Variants in USP35 observed in about 807,000 individuals in gnomAD.
The protein encoded by USP35 is ubiquitin specific peptidase 35.
A neutral mutation model predicts 83.8 loss-of-function variants in USP35; 69 were observed. The ratio of observed to expected loss-of-function variants is 0.82; its 90% CI spans 0.68 to 1.01. The LOEUF (loss-of-function observed/expected upper bound fraction) is 1.01, where lower values mean the gene tolerates loss of function less well. Among genes scored for constraint, USP35 ranks in the 50% least tolerant of loss-of-function variants. USP35 has a pLI of 0.00. For synonymous variants in USP35, 714 were observed against 589.5 expected, an observed-to-expected ratio of 1.21 and a Z score of -3.06; for missense variants, 1,503 against 1,362.5, an observed-to-expected ratio of 1.10 and a Z score of -1.62.
the USP35 span, among the ~76,000 whole-genome samples, chr11:78,227,631 C>CAAAAAAAAAA: frequency 3.7e-3 from 395 of 105,928 alleles, 4 homozygotes; most frequent in Middle Eastern, 0.01. Context: ...CCATTGCCAC[C>CAAAAAAAAAA]AAAAAAAAAA....
chr11:78,211,500 C>T (rs959890224), intron 10 of USP35, among the ~76,000 whole-genome samples: 2 of 152,108 alleles, frequency 1.3e-5, no homozygotes, highest in Non-Finnish European at 2.9e-5. Context: ...AATGGTATTT[C>T]TGCCTCTAGG....
At chr11:78,220,324 G>C in the USP35 span, 1 of 1,612,418 alleles carries the variant, frequency 6.2e-7, no homozygotes, top group South Asian at 1.1e-5. Flanking sequence ...GGCACCTTGC[G>C]GTGGGGGCTT....
chr11:78,233,645 C>T, the USP35 span, among the ~76,000 whole-genome samples: 1 of 152,004 alleles, frequency 6.6e-6, no homozygotes, highest in African/African-American at 2.4e-5. Context: ...CTCACTCTGT[C>T]GCCCAAGCTA....
the USP35 span, among the ~76,000 whole-genome samples, chr11:78,233,864 G>A: frequency 3.6e-3 from 550 of 152,300 alleles, 2 homozygotes; most frequent in Non-Finnish European, 6.5e-3. Flanking sequence ...TCTGCCTGCT[G>A]CCTCCCAAAG....
chr11:78,203,325 G>C (rs2137041729), intron 6 of USP35, among the ~76,000 whole-genome samples: 1 of 152,282 alleles, frequency 6.6e-6, no homozygotes, highest in South Asian at 2.1e-4. Flanking sequence ...GGGAACATGT[G>C]AGGTTAGTTT....
At chr11:78,219,229 G>T (rs530915833), downstream of USP35, 8 of 1,594,656 alleles carry the variant, frequency 5.0e-6, no homozygotes, top group Non-Finnish European at 6.0e-6. Context: ...GGAAGGGCCA[G>T]CTCTGGAGAT....
In USP35 at chr11:78,213,782, A is replaced by G; in HGVS notation, c.3026A>G (p.Asn1009Ser). The change falls in exon 11 of 11, where the codon AAT becomes AGT. Residue 1009 changes from asparagine to serine, a missense_variant. Physicochemically the swap from Asn to Ser is conservative, Grantham distance 46. Transcript: ENST00000529308. ...GGGGGCTGCAATCCTGCAGGTGGCA[A>G]TGGTGGTGACTTCCACAGACTGGTC... ...SPGGCNPAGGNGGDFHRLVF is the reference protein window; with the variant it reads ...SPGGCNPAGGSGGDFHRLVF 2.6e-6 allele frequency: 4 copies of G among 1,550,696 alleles called. No individual in the cohort carries two copies. The highest frequency in any genetic ancestry group is 1.7e-4 in the Middle Eastern group (1 of 5,874).
chr11:78,233,167 G>A, the USP35 span, among the ~76,000 whole-genome samples: 1 of 151,716 alleles, frequency 6.6e-6, no homozygotes, highest in African/African-American at 2.4e-5. Flanking sequence ...AGTCTTCTGA[G>A]TAGCTGGGGC....
chr11:78,226,897 T>C, the USP35 span: 1 of 1,614,026 alleles, frequency 6.2e-7, no homozygotes, highest in African/African-American at 1.3e-5. Flanking sequence ...CTGAATTCTG[T>C]ATTGTGCCGG....
In USP35 at chr11:78,207,557, T is replaced by G; in HGVS notation, c.1419T>G (p.Thr473=). Residue 473 remains threonine, a synonymous_variant, in exon 8 of 11, where the codon ACT becomes ACG. Coordinates refer to ENST00000529308, the MANE Select transcript of USP35 (RefSeq NM_020798.4). ...SDFRHCVLRL[T]ENNSQPLMTK... is the part of the protein sequence containing the mutation. Reference sequence around the variant, plus strand: ...TCAGACATTGTGTGCTCCGCTTGACTGAGAACAACTCACAGCCCCTGATGA... The same window carrying G: ...TCAGACATTGTGTGCTCCGCTTGACGGAGAACAACTCACAGCCCCTGATGA... 6.2e-7 allele frequency: 1 copy of G among 1,614,182 alleles called. No homozygotes were observed. The highest frequency in any genetic ancestry group is 1.1e-5 in the South Asian group (1 of 91,088).
chr11:78,208,910 C>T lies in USP35; in HGVS notation c.1539C>T (p.Phe513=), dbSNP rs779861899. 1 of 1,614,242 alleles carries T rather than the reference C, an allele frequency of 6.2e-7. No individual in the cohort carries two copies. Among genetic ancestry groups the T allele is most frequent in the Non-Finnish European group, 8.5e-7 (1 of 1,180,048 alleles). The change falls in exon 9 of 11, where the codon TTC becomes TTT. Residue 513 remains phenylalanine (F), a synonymous_variant. Coordinates refer to ENST00000529308, the MANE Select transcript of USP35 (RefSeq NM_020798.4). ...NFLSASWTPW[F]SPGTQQDCSE... ...TCTCCGCATCCTGGACGCCCTGGTT[C>T]AGCCCTGGCACCCAGCAGGACTGCT... is the stretch of plus-strand genomic sequence containing the variant.
In USP35 at chr11:78,197,873, G is replaced by C. The variant is rs969057704; in HGVS notation, c.674-63G>C. The C allele has an allele frequency of 2.0e-5, 32 of 1,574,914 alleles. No homozygotes were observed. The African/African-American group carries it at 3.2e-4, about 16-fold the overall frequency. On this transcript the variant is annotated intron_variant, in intron 2 of 10. Coordinates refer to ENST00000529308, the MANE Select transcript of USP35 (RefSeq NM_020798.4). ...CGGTTCGTTGGCTCCTGCAGGGCAT[G>C]GTGTGCTGGGGGAAGGGAGGGGCCT...
chr11:78,231,447 C>T, the USP35 span, among the ~76,000 whole-genome samples: 1 of 152,032 alleles, frequency 6.6e-6, no homozygotes, highest in African/African-American at 2.4e-5. Context: ...CTCCTGGGTT[C>T]AAAGCGATTC....
chr11:78,223,689 A>G, the USP35 span: 1 of 1,573,876 alleles, frequency 6.4e-7, no homozygotes, highest in African/African-American at 1.4e-5. Context: ...AGGGAGAGGA[A>G]CAGTGAAAGA....
the USP35 span, among the ~76,000 whole-genome samples, chr11:78,233,061 A>G: frequency 2.3e-5 from 2 of 86,778 alleles, no homozygotes; most frequent in African/African-American, 1.3e-4. Context: ...TTTTTTGGTG[A>G]CAAGGTCTGG....
chr11:78,191,103 A>G (rs1384249231), intron 1 of USP35, among the ~76,000 whole-genome samples: 1 of 152,192 alleles, frequency 6.6e-6, no homozygotes, highest in Non-Finnish European at 1.5e-5. Context: ...AGGGATGATG[A>G]AGCTTGAGCG....
In USP35 at chr11:78,207,635, G is replaced by A. The variant is rs1863572327; in HGVS notation, c.1485+12G>A. The A allele has an allele frequency of 6.2e-7, 1 of 1,613,152 alleles. No individual in the cohort carries two copies. The highest frequency in any genetic ancestry group is 2.2e-5 in the East Asian group (1 of 44,886). On this transcript the variant is annotated intron_variant, in intron 8 of 10. Coordinates refer to ENST00000529308, the MANE Select transcript of USP35 (RefSeq NM_020798.4). The stretch of plus-strand genomic sequence containing the variant: ...TAGAACACAGCCAGGTGAGTGTAGG[G>A]GCAGTCAGAGGGGGGTGGAGAGGCA...
At chr11:78,203,752 G>T (rs2512539) in intron 6 of USP35, among the ~76,000 whole-genome samples, 22,642 of 150,654 alleles carry the variant, frequency 0.15, 2,170 homozygotes, top group East Asian at 0.4. Context: ...CTAATTTTTC[G>T]TATTTTTAGT....
At position 78,213,857 on chromosome 11, in the gene USP35, G is replaced by T. The variant is rs1298618561; in HGVS notation, c.*44G>T. 5 of 1,529,752 alleles carry T rather than the reference G, an allele frequency of 3.3e-6. No individual in the cohort carries two copies. Among genetic ancestry groups the T allele is most frequent in the Non-Finnish European group, 3.5e-6 (4 of 1,150,118 alleles). The allele number at this position is 1,529,752 out of a possible 1,614,324, so 94.8% of individuals were successfully genotyped here. A position where few individuals can be genotyped will look rare whatever the true frequency, so the allele number is the denominator to read the frequency against. On this transcript the variant is annotated 3_prime_UTR_variant, in exon 11 of 11. Coordinates refer to ENST00000529308, the MANE Select transcript of USP35 (RefSeq NM_020798.4). ...CTGACCCCTTCCCTCCAGGAGCCAG[G>T]TAGGGCCTGAGGGAAGCTGTGGAGG... is the stretch of plus-strand genomic sequence containing the variant.
Sources: gnomAD v4.1 joint callset for allele counts (sites outside exome capture counted in the v4.1 genomes callset) on GRCh38, gnomAD v4.1.1 for gene constraint, MANE v1.5 for transcripts, NCBI Gene and HGNC (gene_info 2026-07-23, HGNC 2026-07-21) for gene names.